Variants in TULP4 observed in about 807,000 individuals in gnomAD.
TULP4 encodes the protein TUB like protein 4.
In TULP4, 16 loss-of-function variants were observed where a neutral mutation model predicts 129.0. That is an observed-to-expected ratio of 0.12 (90% CI 0.08 to 0.19). The LOEUF is 0.19. Among genes scored for constraint, TULP4 ranks in the 10% least tolerant of loss-of-function variants. The pLI is 1.00. For missense variants in TULP4, 1,842 were observed against 2,059.1 expected (o/e 0.89, Z 2.04); for synonymous variants, 998 against 854.0 (o/e 1.17, Z -2.94).
In TULP4 at chr6:158,331,776, TATACACAC is replaced by T. The variant is rs1375630933; in HGVS notation, c.252+17510_252+17517del. On this transcript the variant is annotated intron_variant, in intron 1 of 13. Coordinates refer to ENST00000367097, the MANE Select transcript of TULP4 (RefSeq NM_020245.5). ...ATACACGTGTATATATACACGTATA[TATACACAC>T]ACACATACCTACATACACACATTCA... Among the ~76,000 whole-genome samples the T allele has an allele frequency of 2.1e-3, 121 of 58,910 alleles. 37 individuals are homozygous for T. The highest frequency in any genetic ancestry group is 5.4e-3 in the Admixed American group (23 of 4,234). The allele number at this position is 58,910 out of a possible 152,430, so 38.6% of individuals were successfully genotyped here. A position where few individuals can be genotyped will look rare whatever the true frequency, so the allele number is the denominator to read the frequency against.
At chr6:158,494,617 A>T (rs1780286875) in intron 10 of TULP4, 136 bp from the exon 11 acceptor site, 1 of 754,766 alleles carries the variant, frequency 1.3e-6, no homozygotes, top group East Asian at 2.8e-5. Flanking sequence ...CAAATGGTAG[A>T]TGAGGTAGGG....
chr6:158,495,700 C>CATGG (rs765859095), intron 11 of TULP4, among the ~76,000 whole-genome samples: 17 of 152,088 alleles, frequency 1.1e-4, no homozygotes, highest in Admixed American at 2.6e-4. Flanking sequence ...ATTAGCCTGG[C>CATGG]ATGGTGGTGC....
In TULP4 at chr6:158,504,040, C is replaced by T; in HGVS notation, c.4377C>T (p.Gly1459=). 1 of 1,610,076 alleles carries T rather than the reference C, an allele frequency of 6.2e-7. No individual in the cohort carries two copies. Among genetic ancestry groups the T allele is most frequent in the Non-Finnish European group, 8.5e-7 (1 of 1,178,312 alleles). The stretch of plus-strand genomic sequence containing the variant: ...GTGAGAAGGAGGACGGGCGGCTGGG[C>T]AGCCAAGGCTTCGTGTACGTGATGG... ...RASEKEDGRL[G]SQGFVYVMAN... Residue 1459 remains glycine, a synonymous_variant, in exon 13 of 14, where the codon GGC becomes GGT. Transcript: ENST00000367097.
At chr6:158,418,099 GTTTTT>G (rs35832683) in intron 2 of TULP4, among the ~76,000 whole-genome samples, 3 of 134,260 alleles carry the variant, frequency 2.2e-5, no homozygotes, top group Non-Finnish European at 1.6e-5. Context: ...GTGTGTGTGT[GTTTTT>G]TTTTTTTTTT....
chr6:158,384,211 C>A (rs149068786), intron 1 of TULP4, among the ~76,000 whole-genome samples: 1 of 151,846 alleles, frequency 6.6e-6, no homozygotes, highest in Non-Finnish European at 1.5e-5. Flanking sequence ...TTTTTATTAC[C>A]ATAATGTAGT....
At chr6:158,431,277 T>C (rs937299901) in intron 3 of TULP4, among the ~76,000 whole-genome samples, 1 of 152,202 alleles carries the variant, frequency 6.6e-6, no homozygotes, top group Non-Finnish European at 1.5e-5. Context: ...CTGTGTATTA[T>C]TTCCTGCCTA....
At position 158,237,423 on chromosome 6, in the gene TULP4, G is replaced by A. The variant is rs962092466; in HGVS notation, n.68+5120G>A. On this transcript the variant is annotated intron_variant and non_coding_transcript_variant, in intron 1 of 1. Coordinates refer to the TULP4 transcript ENST00000620026. ...CCCCTGCAGGTCTCTGGTGTCTTGGGGGTATGATGTTACTTGTAGAGGCAG... is the reference window on the plus strand; with the variant it reads ...CCCCTGCAGGTCTCTGGTGTCTTGGAGGTATGATGTTACTTGTAGAGGCAG... 1.4e-5 allele frequency: 23 copies of A among 1,595,686 alleles called. No homozygotes were observed. In the African/African-American group the frequency reaches 2.0e-4, roughly 14 times the overall value.
chr6:158,238,682 G>C (rs9364866), intron 1 of TULP4, among the ~76,000 whole-genome samples: 3 of 89,172 alleles, frequency 3.4e-5, no homozygotes, highest in African/African-American at 1.2e-4. Flanking sequence ...ATCTTGCACC[G>C]CCCTTAATCC....
intron 1 of TULP4, among the ~76,000 whole-genome samples, chr6:158,401,562 G>A (rs1777849943): frequency 6.6e-6 from 1 of 152,198 alleles, no homozygotes; most frequent in African/African-American, 2.4e-5. Flanking sequence ...ATGGAGTTGT[G>A]CCGAGCCTCT....
rs764652771 is a variant in TULP4 at position 158,502,004 on chromosome 6, G to A, written c.2341G>A (p.Gly781Arg). ...ACTGTCCCTGCCTCCCCCGCCGCAG[G>A]GGCCCATGCAGCTGTCCACGGTGGG... ...PPLSLPPPPQ[G>R]PMQLSTVGHG... Residue 781 changes from glycine to arginine, a missense_variant, in exon 13 of 14, where the codon GGG (glycine) becomes AGG (arginine). Around this residue, in one of 5 missense-constraint regions of TULP4, gnomAD observed 1,089 missense variants for 987.1 expected, o/e 1.10. Coordinates refer to ENST00000367097, the MANE Select transcript of TULP4 (RefSeq NM_020245.5). The A allele has an allele frequency of 1.2e-6, 2 of 1,613,284 alleles. No homozygotes were observed. Among genetic ancestry groups the A allele is most frequent in the South Asian group, 2.2e-5 (2 of 91,026 alleles).
intron 2 of TULP4, among the ~76,000 whole-genome samples, chr6:158,426,105 T>TA (rs1490303393): frequency 2.0e-5 from 3 of 152,222 alleles, no homozygotes; most frequent in African/African-American, 7.2e-5. Context: ...TAAGTATCCT[T>TA]ATAGATGCTG....
chr6:158,398,890 G>T (rs779934434), intron 1 of TULP4, among the ~76,000 whole-genome samples: 7 of 152,220 alleles, frequency 4.6e-5, no homozygotes, highest in Non-Finnish European at 8.8e-5. Flanking sequence ...TGACAAGCCA[G>T]TGTATTAGTC....
intron 11 of TULP4, among the ~76,000 whole-genome samples, chr6:158,495,803 G>A (rs1172521046): frequency 3.3e-5 from 5 of 151,558 alleles, no homozygotes; most frequent in Non-Finnish European, 5.9e-5. Flanking sequence ...TCACGCCACT[G>A]CACTCCAGCC....
intron 1 of TULP4, among the ~76,000 whole-genome samples, chr6:158,403,422 C>T (rs1261990697): frequency 3.3e-5 from 5 of 152,286 alleles, no homozygotes; most frequent in African/African-American, 7.2e-5. Flanking sequence ...TCACCACAAC[C>T]TCCGCCTCTC....
At position 158,305,724 on chromosome 6, in the gene TULP4, A is replaced by G. The variant is rs575791183; in HGVS notation, n.117-6327A>G. Among the ~76,000 whole-genome samples, 190 of 149,578 alleles carry G rather than the reference A, an allele frequency of 1.3e-3. 1 individual carries two copies. The highest frequency in any genetic ancestry group is 4.4e-3 in the African/African-American group (180 of 40,666). ...TGTCTCAAAAAAAAAAAAAAAAGTC[A>G]TTTATATTGGTTTCACCTTTTGGCT... On this transcript the variant is annotated intron_variant and non_coding_transcript_variant, in intron 1 of 1. Coordinates refer to the TULP4 transcript ENST00000432358.
Position 158,461,425 on chromosome 6 carries a change from A to C in TULP4, c.860-138A>C, listed in dbSNP as rs1779422842. The C allele has an allele frequency of 8.2e-6, 7 of 848,536 alleles. No homozygotes were observed. The African/African-American group carries it at 1.2e-4, about 15-fold the overall frequency. The allele number at this position is 848,536 out of a possible 1,614,324, so 52.6% of individuals were successfully genotyped here. On this transcript the variant is annotated intron_variant, in intron 5 of 13. Coordinates refer to ENST00000367097, the MANE Select transcript of TULP4 (RefSeq NM_020245.5). ...AAACTCCGTCTCAAAAAAAAAAAAA[A>C]AGGAAAAAACCATGAATATATTTTT...
At chr6:158,365,457 TTTTTTTCTTTTTTC>T (rs1040855923) in intron 1 of TULP4, among the ~76,000 whole-genome samples, 2 of 151,470 alleles carry the variant, frequency 1.3e-5, no homozygotes, top group East Asian at 3.9e-4. Context: ...TTTTTTTTTC[TTTTTTTCTTTTTTC>T]TTTTTTCTTT....
chr6:158,324,355 ATGT>A (rs1157405139), intron 1 of TULP4, among the ~76,000 whole-genome samples: 4 of 152,202 alleles, frequency 2.6e-5, no homozygotes, highest in Non-Finnish European at 4.4e-5. Context: ...TGGGTGGCAG[ATGT>A]TGTACTGTTC....
intron 3 of TULP4, among the ~76,000 whole-genome samples, chr6:158,443,515 G>T (rs1317552861): frequency 6.6e-6 from 1 of 152,142 alleles, no homozygotes; most frequent in Non-Finnish European, 1.5e-5. Flanking sequence ...ACTTAAAAAT[G>T]GAGCCTGAAA....
Sources: allele counts gnomAD v4.1 joint callset (sites outside exome capture counted in the v4.1 genomes callset), GRCh38; gene constraint gnomAD v4.1.1; regional missense constraint gnomAD v4.1.1; transcripts MANE v1.5; gene names NCBI Gene and HGNC (gene_info 2026-07-23, HGNC 2026-07-21).